Variants in DNAJB8 observed in about 807,000 individuals in gnomAD.
DNAJB8 encodes DnaJ heat shock protein family (Hsp40) member B8.
For missense variants in DNAJB8, 354 were observed against 318.9 expected (o/e 1.11, Z -0.84); for synonymous variants, 127 against 127.1 (o/e 1.00, Z 0.00).
In DNAJB8 at chr3:128,462,842, G is replaced by A. The variant is rs763571430; in HGVS notation, c.404C>T (p.Ser135Leu). 7 of 1,614,162 alleles carry A rather than the reference G, an allele frequency of 4.3e-6. No homozygotes were observed. Among genetic ancestry groups the A allele is most frequent in the Admixed American group, 1.7e-5 (1 of 60,028 alleles). Residue 135 changes from serine (S) to leucine (L), a missense_variant, in exon 3 of 3, where the codon TCG becomes TTG. Transcript: ENST00000319153. ...GRGHGLRGAF[S>L]AGFGEFPAFM... The stretch of plus-strand genomic sequence containing the variant: ...GGCCGGAAATTCTCCAAAGCCTGCC[G>A]AGAAGGCCCCCCTCAGGCCATGGCC...
rs201361463 is a variant in DNAJB8 at position 128,462,503 on chromosome 3, T to A, written c.*44A>T. ...GCGGCCCCACGTGTTTGCTGCCCCA[T>A]GCACGGTGGTGGTGGTGGGAAGGCA... is the stretch of plus-strand genomic sequence containing the variant. On this transcript the variant is annotated 3_prime_UTR_variant, in exon 3 of 3. Transcript: ENST00000319153. 6.4e-7 allele frequency: 1 copy of A among 1,562,794 alleles called. No homozygotes were observed. Among genetic ancestry groups the A allele is most frequent in the South Asian group, 1.2e-5 (1 of 83,108 alleles).
chr3:128,462,694 C>T lies in DNAJB8; in HGVS notation c.552G>A (p.Ser184=), dbSNP rs2953129. The change falls in exon 3 of 3, where the codon TCG becomes TCA. Residue 184 remains serine (S), a synonymous_variant. Coordinates refer to ENST00000319153, the MANE Select transcript of DNAJB8 (RefSeq NM_153330.6). ...TGTGGCCATTGATCATCTCGGTGGACGACATCACCGACTTGAACCCCGAGC... is the reference window on the plus strand; with the variant it reads ...TGTGGCCATTGATCATCTCGGTGGATGACATCACCGACTTGAACCCCGAGC... ...SGSSGFKSVM[S]STEMINGHKV... 0.19 allele frequency: 301,569 copies of T among 1,613,488 alleles called. 31,417 individuals are homozygous for T. Among genetic ancestry groups the T allele is most frequent in the East Asian group, 0.45 (20,228 of 44,810 alleles).
At position 128,463,091 on chromosome 3, in the gene DNAJB8, G is replaced by A. The variant is rs763005953; in HGVS notation, c.155C>T (p.Ala52Val). Residue 52 changes from alanine (A) to valine (V), a missense_variant, in exon 3 of 3, where the codon GCC (alanine) becomes GTC (valine). Ala to Val is a moderately conservative substitution (Grantham distance 64). Coordinates refer to ENST00000319153, the MANE Select transcript of DNAJB8 (RefSeq NM_153330.6). ...CTTGGAGTCAGACAGAACCTCATAG[G>A]CCTCAGACACCAGCTTGAACTTCTT... ...AEKKFKLVSE[A>V]YEVLSDSKKR... The A allele has an allele frequency of 1.2e-6, 2 of 1,614,108 alleles. No individual in the cohort carries two copies. The highest frequency in any genetic ancestry group is 1.7e-5 in the Admixed American group (1 of 60,010).
chr3:128,466,628 C>T lies in DNAJB8; in HGVS notation c.-1041G>A, dbSNP rs1055800380. ...ATTACACCAACCTCTTCCATGGTCT[C>T]CTTGCATCCTGGAGAAATCTGAGGG... is the stretch of plus-strand genomic sequence containing the variant. On this transcript the variant is annotated 5_prime_UTR_variant, in exon 1 of 3. Transcript: ENST00000319153. 1 of 152,286 alleles carries T rather than the reference C, an allele frequency of 6.6e-6. No individual in the cohort carries two copies. The highest frequency in any genetic ancestry group is 1.5e-5 in the Non-Finnish European group (1 of 68,050). The allele number at this position is 152,286 out of a possible 1,614,324, so 9.4% of individuals were successfully genotyped here. A position where few individuals can be genotyped will look rare whatever the true frequency, so the allele number is the denominator to read the frequency against.
At chr3:128,464,561 C>T (rs1293255413) in intron 2 of DNAJB8, among the ~76,000 whole-genome samples, 1 of 152,154 alleles carries the variant, frequency 6.6e-6, no homozygotes. Flanking sequence ...CATTTATATT[C>T]CTTTAATTCT....
chr3:128,463,886 C>T lies in DNAJB8; in HGVS notation c.-641G>A, dbSNP rs1347845044. The T allele has an allele frequency of 1.2e-5, 2 of 167,198 alleles. No homozygotes were observed. The highest frequency in any genetic ancestry group is 4.8e-5 in the African/African-American group (2 of 41,430). The allele number at this position is 167,198 out of a possible 1,614,324, so 10.4% of individuals were successfully genotyped here. ...GACAAGAGCCTGCTTTTTTTGTGCC[C>T]ATTATCTGGCCAGGTCTTCCGGGGT... On this transcript the variant is annotated 5_prime_UTR_variant, in exon 3 of 3. The change abolishes an upstream ATG in the 5' untranslated region. Coordinates refer to ENST00000319153, the MANE Select transcript of DNAJB8 (RefSeq NM_153330.6).
In DNAJB8 at chr3:128,462,817, G is replaced by T. The variant is rs145860432; in HGVS notation, c.429C>A (p.Ala143=). Residue 143 remains alanine, a synonymous_variant, in exon 3 of 3, where the codon GCC becomes GCA. Coordinates refer to ENST00000319153, the MANE Select transcript of DNAJB8 (RefSeq NM_153330.6). The part of the protein sequence containing the change: ...AFSAGFGEFP[A]FMEAFSSFNM... ...TGAAGGATGAGAAGGCCTCCATGAA[G>T]GCCGGAAATTCTCCAAAGCCTGCCG... 1.2e-6 allele frequency: 2 copies of T among 1,614,008 alleles called. No individual in the cohort carries two copies. Among genetic ancestry groups the T allele is most frequent in the Non-Finnish European group, 1.7e-6 (2 of 1,180,034 alleles).
chr3:128,463,056 G>T lies in DNAJB8; in HGVS notation c.190C>A (p.Leu64Met). ...EVLSDSKKRSLYDRAGCDSWR... is the reference protein window; with the variant it reads ...EVLSDSKKRSMYDRAGCDSWR... ...CTGTCACAGCCAGCACGGTCATACA[G>T]GGAGCGTTTCTTGGAGTCAGACAGA... is the stretch of plus-strand genomic sequence containing the variant. Residue 64 changes from leucine (L) to methionine (M), a missense_variant, in exon 3 of 3, where the codon CTG becomes ATG. Transcript: ENST00000319153. 6 of 1,614,244 alleles carry T rather than the reference G, an allele frequency of 3.7e-6. No homozygotes were observed. The South Asian group carries it at 6.6e-5, about 18-fold the overall frequency.
Position 128,462,507 on chromosome 3 carries a change from C to A in DNAJB8, c.*40G>T, listed in dbSNP as rs991774385. 4.5e-6 allele frequency: 7 copies of A among 1,566,208 alleles called. No individual in the cohort carries two copies. The highest frequency in any genetic ancestry group is 6.1e-6 in the Non-Finnish European group (7 of 1,151,924). ...CCCCACGTGTTTGCTGCCCCATGCA[C>A]GGTGGTGGTGGTGGGAAGGCAGGGC... is the stretch of plus-strand genomic sequence containing the variant. On this transcript the variant is annotated 3_prime_UTR_variant, in exon 3 of 3. Transcript: ENST00000319153.
At chr3:128,464,516 G>GA (rs2068496745) in intron 2 of DNAJB8, among the ~76,000 whole-genome samples, 1 of 152,172 alleles carries the variant, frequency 6.6e-6, no homozygotes. Context: ...CCTAGAAAAC[G>GA]AATCAGGTGA....
rs2068493747 is a variant in DNAJB8 at position 128,464,130 on chromosome 3, TTGA to T, written c.-865-23_-865-21del. The T allele has an allele frequency of 6.5e-6, 1 of 154,894 alleles. No homozygotes were observed. The highest frequency in any genetic ancestry group is 1.5e-5 in the Non-Finnish European group (1 of 68,058). 9.6% of individuals were successfully genotyped at this position (154,894 alleles called of 1,614,324 possible). A position where few individuals can be genotyped will look rare whatever the true frequency, so the allele number is the denominator to read the frequency against. ...TCAATTCTGGTAAGAAAAATAGGAATTGATGATAAATATTGATTACTGACTGTA... is the reference window on the plus strand; with the variant it reads ...TCAATTCTGGTAAGAAAAATAGGAATTGATAAATATTGATTACTGACTGTA... On this transcript the variant is annotated intron_variant, in intron 2 of 2. Coordinates refer to ENST00000319153, the MANE Select transcript of DNAJB8 (RefSeq NM_153330.6).
chr3:128,462,512 G>T lies in DNAJB8; in HGVS notation c.*35C>A. Reference sequence around the variant, plus strand: ...CGTGTTTGCTGCCCCATGCACGGTGGTGGTGGTGGGAAGGCAGGGCCGGGT... The same window carrying T: ...CGTGTTTGCTGCCCCATGCACGGTGTTGGTGGTGGGAAGGCAGGGCCGGGT... On this transcript the variant is annotated 3_prime_UTR_variant, in exon 3 of 3. Transcript: ENST00000319153. The T allele has an allele frequency of 1.3e-6, 2 of 1,572,874 alleles. No individual in the cohort carries two copies. The highest frequency in any genetic ancestry group is 1.7e-4 in the Middle Eastern group (1 of 5,864).
Position 128,463,491 on chromosome 3 carries a change from G to T in DNAJB8, c.-246C>A. Reference sequence around the variant, plus strand: ...GGAGGGGAGGGACACTGCCGCTGTGGGGCCAGGCCAGAGTGGGCTGCCCTC... The same window carrying T: ...GGAGGGGAGGGACACTGCCGCTGTGTGGCCAGGCCAGAGTGGGCTGCCCTC... On this transcript the variant is annotated 5_prime_UTR_variant, in exon 3 of 3. Transcript: ENST00000319153. 1 of 427,940 alleles carries T rather than the reference G, an allele frequency of 2.3e-6. No homozygotes were observed. Among genetic ancestry groups the T allele is most frequent in the Non-Finnish European group, 4.3e-6 (1 of 232,186 alleles). 26.5% of individuals were successfully genotyped at this position (427,940 alleles called of 1,614,324 possible).
rs970351092 is a variant in DNAJB8, at chr3:128,463,534, C to T, written c.-289G>A. On this transcript the variant is annotated 5_prime_UTR_variant, in exon 3 of 3. Transcript: ENST00000319153. ...CTGCCCTCCAGAGCTCCTTTTATGACGTCAGCTCCCGGGGCGGGGCATACC... is the reference window on the plus strand; with the variant it reads ...CTGCCCTCCAGAGCTCCTTTTATGATGTCAGCTCCCGGGGCGGGGCATACC... 4.8e-5 allele frequency: 14 copies of T among 289,346 alleles called. No homozygotes were observed. Among genetic ancestry groups the T allele is most frequent in the African/African-American group, 1.5e-4 (7 of 45,678 alleles). The allele number at this position is 289,346 out of a possible 1,614,324, so 17.9% of individuals were successfully genotyped here.
In DNAJB8 at chr3:128,465,441, G is replaced by A. The variant is rs937659900; in HGVS notation, c.-1026-5C>T. 5 of 152,344 alleles carry A rather than the reference G, an allele frequency of 3.3e-5. No homozygotes were observed. The highest frequency in any genetic ancestry group is 5.9e-5 in the Non-Finnish European group (4 of 68,068). 9.4% of individuals were successfully genotyped at this position (152,344 alleles called of 1,614,324 possible). A position where few individuals can be genotyped will look rare whatever the true frequency, so the allele number is the denominator to read the frequency against. ...CTGTCCCTTGCAGGCTTGTTCCTGG[G>A]GCGGGAGAAAGATGCTTGCCCTGCA... On this transcript the variant is annotated splice_region_variant and splice_polypyrimidine_tract_variant and intron_variant, in intron 1 of 2. Transcript: ENST00000319153.
chr3:128,464,014 T>TGCTCAAGGTCACACAGC lies in DNAJB8; in HGVS notation c.-786_-770dup, dbSNP rs2068492815. The TGCTCAAGGTCACACAGC allele has an allele frequency of 6.0e-6, 1 of 166,974 alleles. No homozygotes were observed. Among genetic ancestry groups the TGCTCAAGGTCACACAGC allele is most frequent in the Non-Finnish European group, 1.5e-5 (1 of 68,130 alleles). 10.3% of individuals were successfully genotyped at this position (166,974 alleles called of 1,614,324 possible). ...ATGAACCAGGCTCAGAGACACACAG[T>TGCTCAAGGTCACACAGC]GCTCAAGGTCACACAGCGAGTCAGT... On this transcript the variant is annotated 5_prime_UTR_variant, in exon 3 of 3. Coordinates refer to ENST00000319153, the MANE Select transcript of DNAJB8 (RefSeq NM_153330.6).
chr3:128,464,334 A>T (rs948936515), intron 2 of DNAJB8, among the ~76,000 whole-genome samples: 1 of 152,252 alleles, frequency 6.6e-6, no homozygotes, highest in Non-Finnish European at 1.5e-5. Context: ...ATGTCCGTAT[A>T]GGAGATGGAC....
Position 128,462,536 on chromosome 3 carries a change from G to C in DNAJB8, c.*11C>G. On this transcript the variant is annotated 3_prime_UTR_variant, in exon 3 of 3. Transcript: ENST00000319153. ...GGTGGTGGTGGGAAGGCAGGGCCGG[G>C]TGGCCAGCGCCTACTTGCTGTCCAT... 1 of 1,588,068 alleles carries C rather than the reference G, an allele frequency of 6.3e-7. No individual in the cohort carries two copies.
Position 128,462,453 on chromosome 3 carries a change from A to G in DNAJB8, c.*94T>C, listed in dbSNP as rs746585276. 7.3e-7 allele frequency: 1 copy of G among 1,369,208 alleles called. No homozygotes were observed. The highest frequency in any genetic ancestry group is 1.0e-6 in the Non-Finnish European group (1 of 1,002,098). 84.8% of individuals were successfully genotyped at this position (1,369,208 alleles called of 1,614,324 possible). ...GCTATGCCATGAACTCACTTGGCAC[A>G]TTTATTAACCATCAGGCTATGTCTG... On this transcript the variant is annotated 3_prime_UTR_variant, in exon 3 of 3. Transcript: ENST00000319153.
Sources: allele counts gnomAD v4.1 joint callset (sites outside exome capture counted in the v4.1 genomes callset), GRCh38; gene constraint gnomAD v4.1.1; transcripts MANE v1.5; gene names NCBI Gene and HGNC (gene_info 2026-07-23, HGNC 2026-07-21).